The following PER3 variants were observed in gnomAD, a reference collection of about 807,000 sequenced individuals.
PER3 encodes period circadian protein homolog 3.
Under a neutral mutation model 127.2 loss-of-function variants are expected in PER3, and 107 were observed. The ratio of observed to expected loss-of-function variants is 0.84; its 90% confidence interval spans 0.72 to 0.99. The LOEUF (loss-of-function observed/expected upper bound fraction) is 0.99. Among genes scored for constraint, PER3 ranks in the 50% least tolerant of loss-of-function variants. The probability of loss-of-function intolerance (pLI) is 0.00; values close to 1 mark genes in which losing one functional copy is unlikely to be tolerated. For missense variants in PER3, 1,560 were observed against 1,525.8 expected (o/e 1.02, Z -0.37); for synonymous variants, 618 against 585.8 (o/e 1.05, Z -0.79).
chr1:7,804,223 A>G lies in PER3; in HGVS notation c.1136+375A>G, dbSNP rs544862156. ...TAATTATGTTTAAAACGAACATACT[A>G]TGAAATAAGGAAAAGAGAATTGAAA... On this transcript the variant is annotated intron_variant, in intron 10 of 21. Transcript: ENST00000377532. Among the ~76,000 whole-genome samples, 9 of 152,176 alleles carry G rather than the reference A, an allele frequency of 5.9e-5. 1 individual carries two copies. The South Asian group carries it at 1.9e-3, about 32-fold the overall frequency.
At position 7,842,756 on chromosome 1, in the gene PER3, G is replaced by A; in HGVS notation, c.*1G>A. 1.9e-6 allele frequency: 3 copies of A among 1,612,366 alleles called. No individual in the cohort carries two copies. In the South Asian group the frequency reaches 3.3e-5, roughly 18 times the overall value. ...GGTTCTGGTAGAAGACAGCTGTTGA[G>A]TGACTGTGAGGATGAACCTTCATAC... On this transcript the variant is annotated 3_prime_UTR_variant, in exon 22 of 22. Transcript: ENST00000377532.
chr1:7,791,849 C>T (rs539245704), intron 5 of PER3, among the ~76,000 whole-genome samples: 2 of 152,302 alleles, frequency 1.3e-5, no homozygotes, highest in African/African-American at 4.8e-5. Context: ...ACAAGTTCCT[C>T]ATCTCTCTCT....
At chr1:7,842,280 A>C (rs2097394143) in intron 21 of PER3, among the ~76,000 whole-genome samples, 1 of 152,054 alleles carries the variant, frequency 6.6e-6, no homozygotes, top group African/African-American at 2.4e-5. Context: ...AGGTGGGCGG[A>C]TCACGAGGTC....
chr1:7,820,025 A>T (rs2097268542), intron 14 of PER3, 90 bp from the exon 15 acceptor site: 1 of 1,325,318 alleles, frequency 7.5e-7, no homozygotes, highest in Admixed American at 2.0e-5. Context: ...AAAGTATGCC[A>T]AACATAAGTG....
chr1:7,845,110 A>G lies in PER3; in HGVS notation c.*2355A>G, dbSNP rs1414620478. Reference sequence around the variant, plus strand: ...AACTCTGAATTTGTTTTTAATCATTAGTAATATTTCAGTTGGGTATCTTTT... The same window carrying G: ...AACTCTGAATTTGTTTTTAATCATTGGTAATATTTCAGTTGGGTATCTTTT... On this transcript the variant is annotated 3_prime_UTR_variant, in exon 22 of 22. Transcript: ENST00000377532. The G allele has an allele frequency of 6.6e-6, 1 of 152,394 alleles. No individual in the cohort carries two copies. The highest frequency in any genetic ancestry group is 1.9e-4 in the East Asian group (1 of 5,336). The allele number at this position is 152,394 out of a possible 1,614,324, so 9.4% of individuals were successfully genotyped here.
chr1:7,806,826 TATATATATATTACA>T (rs1448810333), intron 10 of PER3, among the ~76,000 whole-genome samples: 1 of 136,548 alleles, frequency 7.3e-6, no homozygotes, highest in Non-Finnish European at 1.5e-5. Context: ...TATATATATA[TATATATATATTACA>T]TACACACACA....
chr1:7,818,698 A>G (rs1292232745), intron 13 of PER3, among the ~76,000 whole-genome samples: 1 of 152,256 alleles, frequency 6.6e-6, no homozygotes, highest in Non-Finnish European at 1.5e-5. Context: ...TTCAAATTCA[A>G]TACAATTAAA....
intron 16 of PER3, 30 bp downstream of exon 16, chr1:7,820,670 A>G: frequency 1.3e-6 from 2 of 1,559,390 alleles, no homozygotes; most frequent in Non-Finnish European, 1.7e-6. Context: ...CTTTGAAAAT[A>G]TACTCAACTT....
At chr1:7,817,478 T>G (rs1243852221) in intron 13 of PER3, among the ~76,000 whole-genome samples, 1 of 152,234 alleles carries the variant, frequency 6.6e-6, no homozygotes, top group Non-Finnish European at 1.5e-5. Flanking sequence ...ACAAACACTG[T>G]ACGCAAGTTG....
chr1:7,803,768 A>G lies in PER3; in HGVS notation c.1056A>G (p.Ile352Met). 6.2e-7 allele frequency: 1 copy of G among 1,612,086 alleles called. No individual in the cohort carries two copies. Among genetic ancestry groups the G allele is most frequent in the Non-Finnish European group, 8.5e-7 (1 of 1,178,128 alleles). The change falls in exon 10 of 22, where the codon ATA (isoleucine) becomes ATG (methionine). Residue 352 changes from isoleucine (I) to methionine (M), a missense_variant. Physicochemically the swap from Ile to Met is conservative, Grantham distance 10. Coordinates refer to ENST00000377532, the MANE Select transcript of PER3 (RefSeq NM_001377275.1). ...GTACTCAAAACGGAGACTACATCAT[A>G]CTGGATTCCAGTTGGTCCAGCTTTG... ...RFCTQNGDYI[I>M]LDSSWSSFVN... is the part of the protein sequence containing the mutation.
At chr1:7,787,688 A>G (rs2097098658) in intron 4 of PER3, 4 of 335,562 alleles carry the variant, frequency 1.2e-5, no homozygotes, top group South Asian at 7.8e-5. Flanking sequence ...AAGAAGGTGA[A>G]TCTTCAGTGT....
chr1:7,803,949 A>G (rs915967086), intron 10 of PER3, 101 bp downstream of exon 10: 13 of 937,098 alleles, frequency 1.4e-5, no homozygotes, highest in Non-Finnish European at 2.0e-5. Flanking sequence ...CATAAACTAA[A>G]TAAAGCACAG....
chr1:7,799,976 CTA>C (rs2097163255), intron 7 of PER3, among the ~76,000 whole-genome samples: 1 of 151,894 alleles, frequency 6.6e-6, no homozygotes, highest in South Asian at 2.1e-4. Flanking sequence ...CAGGGTCACA[CTA>C]TGTTGCCCAG....
At chr1:7,804,479 A>ATC in intron 10 of PER3, among the ~76,000 whole-genome samples, 1 of 148,380 alleles carries the variant, frequency 6.7e-6, no homozygotes, top group Non-Finnish European at 1.5e-5. Context: ...AGCTCAGTGC[A>ATC]GCCTTAACCT....
intron 16 of PER3, among the ~76,000 whole-genome samples, chr1:7,825,953 G>A (rs2097299631): frequency 6.6e-6 from 1 of 151,712 alleles, no homozygotes; most frequent in Admixed American, 6.6e-5. Flanking sequence ...CACGCTTATA[G>A]TCCCAGCTAC....
At position 7,835,934 on chromosome 1, in the gene PER3, GGTACCT is replaced by G; in HGVS notation, c.3389_3394del (p.Val1130_Pro1131del). 1 of 1,592,112 alleles carries G rather than the reference GGTACCT, an allele frequency of 6.3e-7. No homozygotes were observed. The highest frequency in any genetic ancestry group is 8.6e-7 in the Non-Finnish European group (1 of 1,164,460). ...CTGAGCGCATTCTCATGACATACCA[GGTACCT>G]GAGAGGTAAGAAAGCACTTTAGAAA... On this transcript the variant is annotated inframe_deletion, in exon 20 of 22. Coordinates refer to ENST00000377532, the MANE Select transcript of PER3 (RefSeq NM_001377275.1).
chr1:7,826,360 T>C lies in PER3; in HGVS notation c.1958-120T>C. The stretch of plus-strand genomic sequence containing the variant: ...TTTCTGTGCTAGGCTAATGAAGATT[T>C]TTCGTATTCCAGCAGTTATAATAAT... On this transcript the variant is annotated intron_variant, in intron 16 of 21. Transcript: ENST00000377532. The surrounding 1 kb of genome is among the most constrained non-coding windows in gnomAD (Gnocchi z 4.2). 1 of 641,276 alleles carries C rather than the reference T, an allele frequency of 1.6e-6. No homozygotes were observed. Among genetic ancestry groups the C allele is most frequent in the Admixed American group, 2.8e-5 (1 of 35,482 alleles). 39.7% of individuals were successfully genotyped at this position (641,276 alleles called of 1,614,324 possible).
Position 7,798,675 on chromosome 1 carries a change from T to G in PER3, c.793+2T>G. The G allele has an allele frequency of 6.2e-7, 1 of 1,611,642 alleles. No homozygotes were observed. Among genetic ancestry groups the G allele is most frequent in the Non-Finnish European group, 8.5e-7 (1 of 1,177,776 alleles). On this transcript the variant is annotated splice_donor_variant, in intron 7 of 21. Coordinates refer to ENST00000377532, the MANE Select transcript of PER3 (RefSeq NM_001377275.1). LOFTEE classifies it high-confidence loss of function. Reference sequence around the variant, plus strand: ...AAAAGATTCACTCTGGTTATGAAGGTAAGTCAGTAGATAAGATGCAGAAAT... The same window carrying G: ...AAAAGATTCACTCTGGTTATGAAGGGAAGTCAGTAGATAAGATGCAGAAAT...
At chr1:7,824,264 A>G (rs908093029) in intron 16 of PER3, among the ~76,000 whole-genome samples, 4 of 152,246 alleles carry the variant, frequency 2.6e-5, no homozygotes, top group Non-Finnish European at 5.9e-5. Context: ...AGGAAATAAT[A>G]AAGACAAAAG....
Sources: allele counts gnomAD v4.1 joint callset (sites outside exome capture counted in the v4.1 genomes callset), GRCh38; gene constraint gnomAD v4.1.1; non-coding constraint Gnocchi (gnomAD v3.1); transcripts MANE v1.5; gene names NCBI Gene and HGNC (gene_info 2026-07-23, HGNC 2026-07-21).